The following ALK variants were observed in gnomAD, a reference collection of about 807,000 sequenced individuals.
ALK encodes the protein ALK receptor tyrosine kinase.
In ALK, 74 loss-of-function variants were observed where a neutral mutation model predicts 163.1. That is an observed-to-expected ratio of 0.45 (90% CI 0.38 to 0.55). ALK has a LOEUF of 0.55. Ranked by LOEUF, ALK falls within the 20% of genes least tolerant of loss-of-function variation. The pLI is 0.00. For synonymous variants in ALK, 960 were observed against 843.2 expected (o/e 1.14, Z -2.40); for missense variants, 2,063 against 2,105.3 (o/e 0.98, Z 0.39).
At chr2:29,574,253 C>T (rs1184863744) in intron 3 of ALK, among the ~76,000 whole-genome samples, 1 of 152,206 alleles carries the variant, frequency 6.6e-6, no homozygotes, top group African/African-American at 2.4e-5. Flanking sequence ...CTCCCTAAGC[C>T]TGGGCTTCTT....
intron 1 of ALK, among the ~76,000 whole-genome samples, chr2:29,812,849 A>G (rs112596992): frequency 0.014 from 2,127 of 152,302 alleles, 53 homozygotes; most frequent in African/African-American, 0.049. Flanking sequence ...GCTGGACACT[A>G]GGGCTGTACA....
At chr2:29,490,785 T>G (rs1313721970) in intron 4 of ALK, among the ~76,000 whole-genome samples, 2 of 152,218 alleles carry the variant, frequency 1.3e-5, no homozygotes, top group Admixed American at 1.3e-4. Context: ...ATAATGTATG[T>G]GTTTGTTTAT....
In ALK at chr2:29,862,351, TA is replaced by T. The variant is rs536226593; in HGVS notation, c.667+57641del. 4.1e-3 allele frequency among the ~76,000 whole-genome samples: 626 copies of T among 152,256 alleles called. 2 individuals carry two copies. The highest frequency in any genetic ancestry group is 5.6e-3 in the Non-Finnish European group (384 of 67,980). The stretch of plus-strand genomic sequence containing the variant: ...GGGTCTGAACAGGAAAAAAATAAGT[TA>T]AATTGACACTGTTGCAGATGACATC... On this transcript the variant is annotated intron_variant, in intron 1 of 28. Coordinates refer to ENST00000389048, the MANE Select transcript of ALK (RefSeq NM_004304.5).
chr2:29,544,122 C>A (rs1200566747), intron 3 of ALK, among the ~76,000 whole-genome samples: 2 of 152,110 alleles, frequency 1.3e-5, no homozygotes, highest in Non-Finnish European at 2.9e-5. Context: ...TAGGTGGGAA[C>A]TAAGGAAAAG....
intron 8 of ALK, 64 bp from the exon 9 acceptor site, chr2:29,297,121 CTCCACTGAAG>C: frequency 2.5e-6 from 4 of 1,603,384 alleles, no homozygotes; most frequent in Middle Eastern, 1.7e-4. Context: ...TTCTGGAATT[CTCCACTGAAG>C]TTTCAAGGAC....
At chr2:29,805,336 G>T (rs1034688227) in intron 1 of ALK, among the ~76,000 whole-genome samples, 2 of 152,102 alleles carry the variant, frequency 1.3e-5, no homozygotes, top group African/African-American at 4.8e-5. Flanking sequence ...ACATGTGCAG[G>T]ACATGCAGAT....
intron 13 of ALK, 27 bp downstream of exon 13, chr2:29,239,653 C>T (rs370588036): frequency 2.5e-5 from 41 of 1,612,740 alleles, no homozygotes; most frequent in Middle Eastern, 1.7e-4. Flanking sequence ...AGAGTGCAGA[C>T]GAGAAACCCC....
chr2:29,788,849 G>A (rs977549822), intron 1 of ALK, among the ~76,000 whole-genome samples: 2 of 152,182 alleles, frequency 1.3e-5, no homozygotes, highest in African/African-American at 2.4e-5. Flanking sequence ...TTCAGACAGA[G>A]CTTTATGGTT....
intron 3 of ALK, among the ~76,000 whole-genome samples, chr2:29,605,683 G>A (rs576060941): frequency 2.9e-4 from 44 of 152,294 alleles, no homozygotes; most frequent in African/African-American, 9.6e-4. Flanking sequence ...CCGGCCATGT[G>A]AGCACCCTGA....
At chr2:29,797,006 AC>A (rs1664332852) in intron 1 of ALK, among the ~76,000 whole-genome samples, 5 of 151,418 alleles carry the variant, frequency 3.3e-5, no homozygotes, top group African/African-American at 1.2e-4. Context: ...ACACCCACAC[AC>A]ACACACACAC....
chr2:29,197,383 C>T (rs1299399327), intron 27 of ALK, among the ~76,000 whole-genome samples, 159 bp downstream of exon 27: 1 of 152,184 alleles, frequency 6.6e-6, no homozygotes, highest in East Asian at 1.9e-4. Context: ...GAGACGCATC[C>T]ATCTCACTGA....
intron 4 of ALK, among the ~76,000 whole-genome samples, chr2:29,399,291 C>T (rs551832943): frequency 1.5e-4 from 23 of 152,280 alleles, no homozygotes; most frequent in African/African-American, 4.6e-4. Flanking sequence ...GATGAGGTTC[C>T]AACCTAGATC....
intron 3 of ALK, among the ~76,000 whole-genome samples, chr2:29,588,563 G>A (rs1032783645): frequency 3.9e-5 from 6 of 152,142 alleles, no homozygotes; most frequent in Admixed American, 3.3e-4. Context: ...TTTGTCTCTA[G>A]ATTTGGGGAT....
intron 3 of ALK, among the ~76,000 whole-genome samples, chr2:29,595,542 G>T (rs184056973): frequency 2.1e-3 from 318 of 152,148 alleles, no homozygotes; most frequent in African/African-American, 7.3e-3. Flanking sequence ...GGATGGTCTC[G>T]ATTTCCTGAC....
At chr2:29,402,686 G>A (rs976287185) in intron 4 of ALK, among the ~76,000 whole-genome samples, 4 of 152,142 alleles carry the variant, frequency 2.6e-5, no homozygotes, top group African/African-American at 9.7e-5. Context: ...GACTCTTGAA[G>A]CTTTGTTCAG....
intron 3 of ALK, among the ~76,000 whole-genome samples, chr2:29,638,160 C>T (rs551348270): frequency 2.6e-5 from 4 of 152,186 alleles, no homozygotes; most frequent in African/African-American, 2.4e-5. Context: ...TCAACAATGG[C>T]GGAAAGCGGA....
At chr2:29,726,561 G>T (rs946688526) in intron 1 of ALK, among the ~76,000 whole-genome samples, 2 of 152,182 alleles carry the variant, frequency 1.3e-5, no homozygotes, top group Non-Finnish European at 2.9e-5. Context: ...TGTTAGACAA[G>T]AGGCTACAAA....
At chr2:29,519,334 G>C (rs1043600443) in intron 4 of ALK, among the ~76,000 whole-genome samples, 1 of 152,104 alleles carries the variant, frequency 6.6e-6, no homozygotes, top group African/African-American at 2.4e-5. Context: ...TACTTTTAAG[G>C]TTCATTTCTG....
intron 2 of ALK, among the ~76,000 whole-genome samples, chr2:29,713,852 T>TAAAA (rs201653251): frequency 5.3e-5 from 8 of 151,804 alleles, no homozygotes; most frequent in South Asian, 2.1e-4. Flanking sequence ...TTTTTTTTTT[T>TAAAA]AAATAAATGA....
Sources: gnomAD v4.1 joint callset for allele counts (sites outside exome capture counted in the v4.1 genomes callset) on GRCh38, gnomAD v4.1.1 for gene constraint, MANE v1.5 for transcripts, NCBI Gene and HGNC (gene_info 2026-07-23, HGNC 2026-07-21) for gene names.